The following DOK6 variants were observed in gnomAD, a reference collection of about 807,000 sequenced individuals.
The protein encoded by DOK6 is downstream of tyrosine kinase 6.
In DOK6, 22 loss-of-function variants were observed where a neutral mutation model predicts 44.0. The observed-to-expected ratio is 0.50, with a 90% CI of 0.36 to 0.71. The LOEUF (loss-of-function observed/expected upper bound fraction) is 0.71. Among genes scored for constraint, DOK6 ranks in the 30% least tolerant of loss-of-function variants. The pLI is 0.00. For synonymous variants in DOK6, 166 were observed against 145.5 expected (o/e 1.14, Z -1.01); for missense variants, 340 against 416.4 (o/e 0.82, Z 1.60).
intron 1 of DOK6, among the ~76,000 whole-genome samples, chr18:69,555,741 G>A (rs1223752690): frequency 6.6e-6 from 1 of 152,128 alleles, no homozygotes; most frequent in Non-Finnish European, 1.5e-5. Context: ...TTTCTCTCAT[G>A]TTCCGTGTGA....
At chr18:69,432,403 C>T (rs867190347) in intron 1 of DOK6, among the ~76,000 whole-genome samples, 9 of 152,224 alleles carry the variant, frequency 5.9e-5, no homozygotes, top group African/African-American at 1.4e-4. Context: ...GAGATCATGC[C>T]GTTGCATTCT....
intron 2 of DOK6, among the ~76,000 whole-genome samples, chr18:69,592,651 T>C (rs575222693): frequency 6.6e-6 from 1 of 152,274 alleles, no homozygotes; most frequent in Non-Finnish European, 1.5e-5. Context: ...CAAGTAATTT[T>C]TCCTTCAATT....
chr18:69,834,221 T>A (rs1369075190), intron 7 of DOK6, among the ~76,000 whole-genome samples: 1 of 152,196 alleles, frequency 6.6e-6, no homozygotes, highest in Non-Finnish European at 1.5e-5. Context: ...ATCCTGTCAT[T>A]TGCAGTGACA....
chr18:69,654,791 T>G (rs1323821950), intron 3 of DOK6, among the ~76,000 whole-genome samples: 4 of 152,142 alleles, frequency 2.6e-5, no homozygotes, highest in Non-Finnish European at 4.4e-5. Flanking sequence ...GACACAGTGG[T>G]GCACGCCTGT....
intron 1 of DOK6, among the ~76,000 whole-genome samples, chr18:69,507,106 C>T (rs561562181): frequency 1.5e-4 from 23 of 152,012 alleles, no homozygotes; most frequent in Non-Finnish European, 3.4e-4. Context: ...CGGCTCACTG[C>T]AAACTCCACC....
intron 1 of DOK6, among the ~76,000 whole-genome samples, chr18:69,422,579 T>C (rs1978522410): frequency 6.6e-6 from 1 of 152,212 alleles, no homozygotes; most frequent in African/African-American, 2.4e-5. Context: ...TTTATCTCAA[T>C]GAGAACATCC....
At chr18:69,458,552 C>A (rs1330544009) in intron 1 of DOK6, among the ~76,000 whole-genome samples, 2 of 152,058 alleles carry the variant, frequency 1.3e-5, no homozygotes, top group African/African-American at 4.8e-5. Context: ...AGAAGTCAGG[C>A]AAGGGAAAGG....
chr18:69,583,776 G>A lies in DOK6; in HGVS notation c.175-15608G>A, dbSNP rs543717047. Among the ~76,000 whole-genome samples the A allele has an allele frequency of 3.5e-5, 5 of 144,854 alleles. No homozygotes were observed. The East Asian group carries it at 8.1e-4, about 23-fold the overall frequency. Reference sequence around the variant, plus strand: ...ACAAAAAAAAAAAAAAAAAAAAAGCGTTATCTTAAATATTATTCAATTGAC... The same window carrying A: ...ACAAAAAAAAAAAAAAAAAAAAAGCATTATCTTAAATATTATTCAATTGAC... On this transcript the variant is annotated intron_variant, in intron 2 of 7. Coordinates refer to ENST00000382713, the MANE Select transcript of DOK6 (RefSeq NM_152721.6).
chr18:69,785,520 A>G (rs1172062145), intron 7 of DOK6, among the ~76,000 whole-genome samples: 3 of 152,230 alleles, frequency 2.0e-5, no homozygotes, highest in Admixed American at 6.5e-5. Flanking sequence ...ATCGAAGAGC[A>G]TCAAGACATT....
At chr18:69,840,193 G>T (rs1378974661) in intron 7 of DOK6, among the ~76,000 whole-genome samples, 7 of 152,238 alleles carry the variant, frequency 4.6e-5, no homozygotes, top group Non-Finnish European at 1.0e-4. Context: ...TCGGTGCTCG[G>T]CGTTAACAGA....
chr18:69,485,101 A>G (rs1037532563), intron 1 of DOK6, among the ~76,000 whole-genome samples: 6 of 152,132 alleles, frequency 3.9e-5, no homozygotes, highest in Non-Finnish European at 8.8e-5. Context: ...ACTAATAGTG[A>G]GGGTCACTTG....
chr18:69,663,728 A>G (rs1985586645), intron 3 of DOK6, among the ~76,000 whole-genome samples: 1 of 152,180 alleles, frequency 6.6e-6, no homozygotes, highest in Non-Finnish European at 1.5e-5. Context: ...ATATTTTGGA[A>G]CCAACTGAAG....
intron 1 of DOK6, among the ~76,000 whole-genome samples, chr18:69,517,972 T>C (rs977875387): frequency 1.3e-5 from 2 of 152,090 alleles, no homozygotes; most frequent in Admixed American, 6.6e-5. Flanking sequence ...AATTACATCT[T>C]TCTACATGAG....
At chr18:69,492,370 C>T (rs569017770) in intron 1 of DOK6, among the ~76,000 whole-genome samples, 29 of 152,006 alleles carry the variant, frequency 1.9e-4, no homozygotes, top group African/African-American at 4.3e-4. Flanking sequence ...TTCTAATAAA[C>T]CCCTTATTTC....
intron 1 of DOK6, among the ~76,000 whole-genome samples, chr18:69,556,409 C>T (rs1241167451): frequency 1.3e-5 from 2 of 152,100 alleles, no homozygotes; most frequent in Admixed American, 6.6e-5. Context: ...TGAGCCTTTC[C>T]TCACCACACC....
chr18:69,579,031 A>G (rs1449049676), intron 2 of DOK6, among the ~76,000 whole-genome samples: 2 of 152,194 alleles, frequency 1.3e-5, no homozygotes, highest in Non-Finnish European at 2.9e-5. Context: ...TAATTTGCAG[A>G]CTGAGAAAAA....
intron 3 of DOK6, among the ~76,000 whole-genome samples, chr18:69,602,731 T>C (rs571837501): frequency 3.9e-5 from 6 of 152,310 alleles, no homozygotes; most frequent in Admixed American, 2.6e-4. Flanking sequence ...AAATGAGATT[T>C]TTTTGTTTAA....
chr18:69,667,164 A>G (rs949599727), intron 3 of DOK6, among the ~76,000 whole-genome samples: 6 of 152,080 alleles, frequency 3.9e-5, no homozygotes, highest in Admixed American at 1.3e-4. Context: ...GGGCTTTATG[A>G]TGGTCTTTCC....
At chr18:69,533,007 C>T (rs960887840) in intron 1 of DOK6, 1 of 151,958 alleles carries the variant, frequency 6.6e-6, no homozygotes, top group African/African-American at 2.4e-5. Context: ...CTTTTGGGAA[C>T]AAACAGATAG....
Sources: gnomAD v4.1 joint callset for allele counts (sites outside exome capture counted in the v4.1 genomes callset) on GRCh38, gnomAD v4.1.1 for gene constraint, MANE v1.5 for transcripts, NCBI Gene and HGNC (gene_info 2026-07-23, HGNC 2026-07-21) for gene names.